The following PLEKHB2 variants were observed in gnomAD, a reference collection of about 807,000 sequenced individuals.
PLEKHB2 encodes the protein pleckstrin homology domain containing B2.
In PLEKHB2, 31 loss-of-function variants were observed where a neutral mutation model predicts 36.5. The observed-to-expected ratio is 0.85, with a 90% CI of 0.64 to 1.15. PLEKHB2 has a LOEUF of 1.15. Among genes scored for constraint, PLEKHB2 ranks in the 50% most tolerant of loss-of-function variants. PLEKHB2 has a pLI of 0.00. For synonymous variants in PLEKHB2, 119 were observed against 112.0 expected, an observed-to-expected ratio of 1.06 and a Z score of -0.39; for missense variants, 262 against 295.3, an observed-to-expected ratio of 0.89 and a Z score of 0.83.
In PLEKHB2 at chr2:131,132,931, T is replaced by G; in HGVS notation, c.363T>G (p.Asp121Glu). The change falls in exon 6 of 8, where the codon GAT becomes GAG. Residue 121 changes from aspartate (D) to glutamate (E), a missense_variant. Coordinates refer to ENST00000693505, the MANE Select transcript of PLEKHB2 (RefSeq NM_001100623.2). ...TAYVGSAVMT[D>E]ETSVVSSPPP... ...ATGTGGGCTCTGCAGTCATGACCGA[T>G]GAGACATCCGTGGTTTCCTCACCTC... 4.3e-6 allele frequency: 7 copies of G among 1,613,696 alleles called. No individual in the cohort carries two copies. Among genetic ancestry groups the G allele is most frequent in the Non-Finnish European group, 5.9e-6 (7 of 1,179,556 alleles).
chr2:131,107,232 A>G (rs1358269406), intron 1 of PLEKHB2, among the ~76,000 whole-genome samples: 1 of 152,218 alleles, frequency 6.6e-6, no homozygotes, highest in Middle Eastern at 3.2e-3. Flanking sequence ...AGTGGGGGCT[A>G]ATTGACCCAG....
chr2:131,106,264 C>T (rs1230430952), intron 1 of PLEKHB2, among the ~76,000 whole-genome samples: 1 of 152,030 alleles, frequency 6.6e-6, no homozygotes, highest in Non-Finnish European at 1.5e-5. Flanking sequence ...ATAATACTGA[C>T]TCATGGTCTC....
At chr2:131,128,061 G>A (rs926384198) in intron 4 of PLEKHB2, among the ~76,000 whole-genome samples, 12 of 152,106 alleles carry the variant, frequency 7.9e-5, no homozygotes, top group African/African-American at 2.7e-4. Context: ...AGACTTACTC[G>A]GTCTCAGAAG....
chr2:131,118,139 C>G (rs574305003), intron 1 of PLEKHB2, among the ~76,000 whole-genome samples: 52 of 152,266 alleles, frequency 3.4e-4, no homozygotes, highest in African/African-American at 1.3e-3. Context: ...CAGCTGCCCC[C>G]AGCCGGTTCC....
chr2:131,149,422 T>G lies in PLEKHB2; in HGVS notation c.*2649T>G, dbSNP rs558635948. 7.9e-5 allele frequency: 12 copies of G among 152,346 alleles called. No individual in the cohort carries two copies. The highest frequency in any genetic ancestry group is 2.9e-4 in the African/African-American group (12 of 41,584). 9.4% of individuals were successfully genotyped at this position (152,346 alleles called of 1,614,324 possible). A position where few individuals can be genotyped will look rare whatever the true frequency, so the allele number is the denominator to read the frequency against. On this transcript the variant is annotated 3_prime_UTR_variant, in exon 8 of 8. Coordinates refer to ENST00000693505, the MANE Select transcript of PLEKHB2 (RefSeq NM_001100623.2). ...GCCAATGATATTATATACATGCTGA[T>G]CTGATTGTTCTTTTCATTCCTTGAG... is the stretch of plus-strand genomic sequence containing the variant.
rs1239347463 is a variant in PLEKHB2, at chr2:131,149,234, A to C, written c.*2461A>C. On this transcript the variant is annotated 3_prime_UTR_variant, in exon 8 of 8. Transcript: ENST00000693505. ...CTTGGCCACAACTCCCATAGATGCC[A>C]ATGTTTTGATAGCCTCAGTTTCTCA... 1.3e-5 allele frequency: 2 copies of C among 152,230 alleles called. No individual in the cohort carries two copies. The highest frequency in any genetic ancestry group is 2.9e-5 in the Non-Finnish European group (2 of 68,050). The allele number at this position is 152,230 out of a possible 1,614,324, so 9.4% of individuals were successfully genotyped here.
Position 131,126,534 on chromosome 2 carries a change from C to T in PLEKHB2, c.191-150C>T, listed in dbSNP as rs1697124028. ...TCTTGTCAGTCAGCCTAGCTATGTT[C>T]TTTCTGCATTCTTGGAAAGGCAGAG... On this transcript the variant is annotated intron_variant, in intron 3 of 7. Coordinates refer to ENST00000693505, the MANE Select transcript of PLEKHB2 (RefSeq NM_001100623.2). 14 of 640,098 alleles carry T rather than the reference C, an allele frequency of 2.2e-5. No homozygotes were observed. The South Asian group carries it at 2.3e-4, about 10-fold the overall frequency. 39.7% of individuals were successfully genotyped at this position (640,098 alleles called of 1,614,324 possible).
At chr2:131,141,491 T>G (rs932043160) in intron 7 of PLEKHB2, among the ~76,000 whole-genome samples, 1 of 151,770 alleles carries the variant, frequency 6.6e-6, no homozygotes, top group Admixed American at 6.6e-5. Context: ...TACAAAAAAA[T>G]TAGCTGGGCA....
In PLEKHB2 at chr2:131,146,754, C is replaced by T; in HGVS notation, c.650C>T (p.Ser217Phe). ...AGAATGMALG[S>F]LFWVF is the part of the protein sequence containing the mutation. ...GCAGCCACGGGCATGGCCTTAGGGT[C>T]TCTATTTTGGGTCTTCTAGGGGCCT... Residue 217 changes from serine to phenylalanine, a missense_variant, in exon 8 of 8, where the codon TCT becomes TTT. By Grantham distance (155) the Ser-to-Phe change is radical. Coordinates refer to ENST00000693505, the MANE Select transcript of PLEKHB2 (RefSeq NM_001100623.2). 6.2e-7 allele frequency: 1 copy of T among 1,608,624 alleles called. No homozygotes were observed. The highest frequency in any genetic ancestry group is 1.1e-5 in the South Asian group (1 of 89,808).
intron 5 of PLEKHB2, among the ~76,000 whole-genome samples, chr2:131,132,573 T>G (rs151310487): frequency 1.8e-3 from 270 of 152,242 alleles, no homozygotes; most frequent in Non-Finnish European, 3.4e-3. Flanking sequence ...GTGTTGGGAT[T>G]ATAGGTGTGA....
Position 131,126,697 on chromosome 2 carries a change from G to A in PLEKHB2, c.204G>A (p.Pro68=), listed in dbSNP as rs1375830505. ...TATTTTTCATAGATACTCAGCCCCC[G>A]GATGGAAAGTCAAAAGACTGCATGC... ...TGQECRDTQP[P]DGKSKDCMLQ... The change falls in exon 4 of 8, where the codon CCG becomes CCA. Residue 68 remains proline, a synonymous_variant. Coordinates refer to ENST00000693505, the MANE Select transcript of PLEKHB2 (RefSeq NM_001100623.2). The A allele has an allele frequency of 3.1e-6, 5 of 1,603,978 alleles. No individual in the cohort carries two copies. In the East Asian group the frequency reaches 8.9e-5, roughly 29 times the overall value.
intron 7 of PLEKHB2, among the ~76,000 whole-genome samples, chr2:131,142,505 C>A (rs1035743330): frequency 1.3e-5 from 2 of 149,934 alleles, no homozygotes; most frequent in African/African-American, 4.9e-5. Flanking sequence ...GTAGATACTT[C>A]TTTGAACATC....
At chr2:131,131,154 A>G (rs889933436) in intron 5 of PLEKHB2, among the ~76,000 whole-genome samples, 1 of 152,202 alleles carries the variant, frequency 6.6e-6, no homozygotes, top group Non-Finnish European at 1.5e-5. Flanking sequence ...TTTCTTGACC[A>G]TCTGGCCACG....
At chr2:131,109,485 T>C (rs1695067496) in intron 1 of PLEKHB2, among the ~76,000 whole-genome samples, 1 of 148,706 alleles carries the variant, frequency 6.7e-6, no homozygotes, top group South Asian at 2.1e-4. Flanking sequence ...AGGTCAGGAG[T>C]TTGAGACCAG....
chr2:131,147,007 C>G lies in PLEKHB2; in HGVS notation c.*234C>G. On this transcript the variant is annotated 3_prime_UTR_variant, in exon 8 of 8. Coordinates refer to ENST00000693505, the MANE Select transcript of PLEKHB2 (RefSeq NM_001100623.2). ...GGCACTGGCTCATTCCAAGACTGTT[C>G]TTGTGCAACTCTCAGAATACCTTAT... 1 of 365,772 alleles carries G rather than the reference C, an allele frequency of 2.7e-6. No homozygotes were observed. The highest frequency in any genetic ancestry group is 4.9e-6 in the Non-Finnish European group (1 of 205,740). 22.7% of individuals were successfully genotyped at this position (365,772 alleles called of 1,614,324 possible).
intron 1 of PLEKHB2, among the ~76,000 whole-genome samples, chr2:131,119,386 A>G (rs923271750): frequency 2.6e-5 from 4 of 152,180 alleles, no homozygotes; most frequent in Admixed American, 2.6e-4. Context: ...ACATCTTTCA[A>G]AGGTTTTAGG....
At chr2:131,114,194 C>A (rs767843538) in intron 1 of PLEKHB2, among the ~76,000 whole-genome samples, 1 of 152,168 alleles carries the variant, frequency 6.6e-6, no homozygotes, top group Non-Finnish European at 1.5e-5. Context: ...GGCGTGATCT[C>A]AGCTCACTGC....
chr2:131,148,737 T>TAAC lies in PLEKHB2; in HGVS notation c.*1965_*1966insACA, dbSNP rs1699473312. 1.3e-5 allele frequency: 2 copies of TAAC among 152,378 alleles called. No homozygotes were observed. Among genetic ancestry groups the TAAC allele is most frequent in the Admixed American group, 1.3e-4 (2 of 15,300 alleles). 9.4% of individuals were successfully genotyped at this position (152,378 alleles called of 1,614,324 possible). On this transcript the variant is annotated 3_prime_UTR_variant, in exon 8 of 8. Transcript: ENST00000693505. ...GTTTCCACATGGAAGGATGTCTGTTTATCTCTCATCTCTGAATAGATGTAT... is the reference window on the plus strand; with the variant it reads ...GTTTCCACATGGAAGGATGTCTGTTTAACATCTCTCATCTCTGAATAGATGTAT...
In PLEKHB2 at chr2:131,147,190, A is replaced by G; in HGVS notation, c.*417A>G. 6.5e-6 allele frequency: 1 copy of G among 153,076 alleles called. No homozygotes were observed. The highest frequency in any genetic ancestry group is 1.5e-5 in the Non-Finnish European group (1 of 68,588). 9.5% of individuals were successfully genotyped at this position (153,076 alleles called of 1,614,324 possible). On this transcript the variant is annotated 3_prime_UTR_variant, in exon 8 of 8. Transcript: ENST00000693505. ...AGCTTCTTTGCGTTTAACTTTTTCA[A>G]ACCACAGACCAGAACTGGTTGCATG...
Sources: allele counts gnomAD v4.1 joint callset (sites outside exome capture counted in the v4.1 genomes callset), GRCh38; gene constraint gnomAD v4.1.1; transcripts MANE v1.5; gene names NCBI Gene and HGNC (gene_info 2026-07-23, HGNC 2026-07-21).